Variants in ADAMTS3 observed in about 807,000 individuals in gnomAD.
ADAMTS3 encodes the protein A disintegrin and metalloproteinase with thrombospondin motifs 3.
Under a neutral mutation model 129.0 loss-of-function variants are expected in ADAMTS3, and 73 were observed. The observed-to-expected ratio is 0.57, with a 90% CI of 0.47 to 0.69. The LOEUF (loss-of-function observed/expected upper bound fraction) is 0.69, where lower values mean the gene tolerates loss of function less well. Among genes scored for constraint, ADAMTS3 ranks in the 30% least tolerant of loss-of-function variants. The pLI is 0.00. For missense variants in ADAMTS3, 1,457 were observed against 1,514.5 expected, an observed-to-expected ratio of 0.96 and a Z score of 0.63; for synonymous variants, 477 against 510.8, an observed-to-expected ratio of 0.93 and a Z score of 0.89.
At chr4:72,380,847 A>G (rs1721268802) in intron 4 of ADAMTS3, among the ~76,000 whole-genome samples, 1 of 152,218 alleles carries the variant, frequency 6.6e-6, no homozygotes, top group African/African-American at 2.4e-5. Context: ...ACATCTTAGT[A>G]AAGTGCTTAA....
At position 72,515,361 on chromosome 4, in the gene ADAMTS3, T is replaced by C. The variant is rs1720438702; in HGVS notation, c.504+33117A>G. 4.0e-5 allele frequency among the ~76,000 whole-genome samples: 6 copies of C among 151,872 alleles called. No homozygotes were observed. The South Asian group carries it at 1.0e-3, about 26-fold the overall frequency. ...TTTGGGTATATACCCAGTAATGGGATGGCTGGGTCAAATGGTATTTCTAGT... is the reference window on the plus strand; with the variant it reads ...TTTGGGTATATACCCAGTAATGGGACGGCTGGGTCAAATGGTATTTCTAGT... On this transcript the variant is annotated intron_variant, in intron 3 of 21. Coordinates refer to ENST00000286657, the MANE Select transcript of ADAMTS3 (RefSeq NM_014243.3).
intron 4 of ADAMTS3, among the ~76,000 whole-genome samples, chr4:72,348,852 A>G (rs919323110): frequency 9.9e-5 from 15 of 151,880 alleles, no homozygotes; most frequent in African/African-American, 3.4e-4. Flanking sequence ...AGCTTGCAAA[A>G]ACAAGGACCT....
intron 3 of ADAMTS3, among the ~76,000 whole-genome samples, chr4:72,522,519 G>A (rs1160595011): frequency 2.0e-5 from 3 of 152,116 alleles, no homozygotes; most frequent in Non-Finnish European, 2.9e-5. Flanking sequence ...TCAGAGGCCA[G>A]GAATAGAGGT....
intron 5 of ADAMTS3, among the ~76,000 whole-genome samples, chr4:72,334,951 C>T (rs1162719398): frequency 6.6e-6 from 1 of 152,116 alleles, no homozygotes. Flanking sequence ...TCTGATTATT[C>T]TCCCCATTGC....
intron 4 of ADAMTS3, among the ~76,000 whole-genome samples, chr4:72,378,653 T>G (rs1721196065): frequency 6.6e-6 from 1 of 152,130 alleles, no homozygotes; most frequent in South Asian, 2.1e-4. Context: ...TTGAATTTTT[T>G]TTTTTTGCAG....
chr4:72,561,320 C>G (rs1721898085), intron 2 of ADAMTS3, among the ~76,000 whole-genome samples: 1 of 151,444 alleles, frequency 6.6e-6, no homozygotes, highest in Non-Finnish European at 1.5e-5. Context: ...GCACTCCAGC[C>G]TGAGCAACAG....
chr4:72,300,108 T>C (rs756853796), intron 17 of ADAMTS3, among the ~76,000 whole-genome samples: 1 of 152,140 alleles, frequency 6.6e-6, no homozygotes, highest in Non-Finnish European at 1.5e-5. Flanking sequence ...TTCTCTTTTT[T>C]CTGTCTTTTT....
Position 72,548,721 on chromosome 4 carries a change from A to G in ADAMTS3, c.261T>C (p.Phe87=). The G allele has an allele frequency of 1.2e-6, 2 of 1,614,018 alleles. No homozygotes were observed. The highest frequency in any genetic ancestry group is 1.7e-6 in the Non-Finnish European group (2 of 1,179,930). The change falls in exon 3 of 22, where the codon TTT becomes TTC. Residue 87 remains phenylalanine (F), a synonymous_variant. Coordinates refer to ENST00000286657, the MANE Select transcript of ADAMTS3 (RefSeq NM_014243.3). ...TTAGTCGCAGATGAAAATCTTTTCCAAATGCCGTGATGTTAAAGAACAACT... is the reference window on the plus strand; with the variant it reads ...TTAGTCGCAGATGAAAATCTTTTCCGAATGCCGTGATGTTAAAGAACAACT... ...PEQLFFNITA[F]GKDFHLRLKP...
chr4:72,329,326 G>A (rs1297986821), intron 5 of ADAMTS3, among the ~76,000 whole-genome samples: 1 of 152,160 alleles, frequency 6.6e-6, no homozygotes, highest in African/African-American at 2.4e-5. Context: ...TGGGTAGTTA[G>A]GAAAGGGAGA....
chr4:72,567,251 G>A, intron 2 of ADAMTS3, 123 bp downstream of exon 2: 3 of 953,854 alleles, frequency 3.1e-6, no homozygotes, highest in South Asian at 1.5e-5. Context: ...AAATGTTTCC[G>A]GACTACAGAT....
intron 3 of ADAMTS3, among the ~76,000 whole-genome samples, chr4:72,437,064 T>C (rs1471432718): frequency 6.6e-6 from 1 of 151,912 alleles, no homozygotes; most frequent in East Asian, 2.0e-4. Context: ...CTTTATCAAA[T>C]GTTGAGTTTG....
At chr4:72,470,789 C>T (rs1719051861) in intron 3 of ADAMTS3, among the ~76,000 whole-genome samples, 1 of 151,946 alleles carries the variant, frequency 6.6e-6, no homozygotes, top group Non-Finnish European at 1.5e-5. Flanking sequence ...TCTTCACTGT[C>T]CTACACACTT....
At chr4:72,537,216 G>A (rs901852932) in intron 3 of ADAMTS3, among the ~76,000 whole-genome samples, 2 of 152,218 alleles carry the variant, frequency 1.3e-5, no homozygotes, top group Non-Finnish European at 2.9e-5. Context: ...CATAAAACCT[G>A]CAGGAGCAAA....
chr4:72,362,059 G>T (rs953207838), intron 4 of ADAMTS3, among the ~76,000 whole-genome samples: 1 of 151,960 alleles, frequency 6.6e-6, no homozygotes, highest in African/African-American at 2.4e-5. Context: ...GAAGTCTCAA[G>T]TGTTATTACC....
intron 3 of ADAMTS3, among the ~76,000 whole-genome samples, chr4:72,498,422 C>T (rs997974175): frequency 6.6e-6 from 1 of 151,644 alleles, no homozygotes; most frequent in East Asian, 1.9e-4. Context: ...AAGAGTTTTA[C>T]TAGAAAAGCC....
intron 3 of ADAMTS3, among the ~76,000 whole-genome samples, chr4:72,544,162 G>C (rs1223137687): frequency 6.6e-6 from 1 of 152,052 alleles, no homozygotes; most frequent in East Asian, 1.9e-4. Context: ...TAGTAGTCTA[G>C]TATTGCTCAA....
intron 5 of ADAMTS3, among the ~76,000 whole-genome samples, chr4:72,323,682 GAC>G (rs1212115501): frequency 1.3e-5 from 2 of 152,172 alleles, no homozygotes; most frequent in African/African-American, 4.8e-5. Flanking sequence ...TTACTAAGGA[GAC>G]TGTACGAGTA....
At chr4:72,290,742 G>A (rs1420186537) in intron 20 of ADAMTS3, 113 bp downstream of exon 20, 1 of 1,120,104 alleles carries the variant, frequency 8.9e-7, no homozygotes, top group South Asian at 1.4e-5. Context: ...TACAAAATAT[G>A]CAGTAGTTTC....
In ADAMTS3 at chr4:72,290,268, AACAG is replaced by A. The variant is rs201286584; in HGVS notation, c.2931+583_2931+586del. Among the ~76,000 whole-genome samples the A allele has an allele frequency of 9.7e-3, 1,479 of 152,298 alleles. 34 individuals are homozygous for A. Among genetic ancestry groups the A allele is most frequent in the African/African-American group, 0.034 (1,396 of 41,570 alleles). ...ATCAGAGTTATAATACTCTGTCATG[AACAG>A]CATGGTAAAGTTAAGTTGTACTGCA... is the stretch of plus-strand genomic sequence containing the variant. On this transcript the variant is annotated intron_variant, in intron 20 of 21. Transcript: ENST00000286657.
Sources: gnomAD v4.1 joint callset for allele counts (sites outside exome capture counted in the v4.1 genomes callset) on GRCh38, gnomAD v4.1.1 for gene constraint, MANE v1.5 for transcripts, NCBI Gene and HGNC (gene_info 2026-07-23, HGNC 2026-07-21) for gene names.